The following MSN variants were observed in gnomAD, a reference collection of about 807,000 sequenced individuals.
MSN encodes the protein moesin, also known as epididymis luminal protein 70.
MSN carries 2 observed loss-of-function variants against 48.0 expected under a neutral mutation model. The observed-to-expected ratio is 0.04, with a 90% confidence interval of 0.02 to 0.13. The LOEUF (loss-of-function observed/expected upper bound fraction) is 0.13, where lower values mean the gene tolerates loss of function less well. MSN is among the 10% of genes least tolerant of loss of function. The pLI is 1.00. For synonymous variants in MSN, 146 were observed against 166.9 expected (o/e 0.87, Z 0.97); for missense variants, 267 against 470.1 (o/e 0.57, Z 3.99).
intron 1 of MSN, among the ~76,000 whole-genome samples, chrX:65,686,688 C>T (rs2071118481): frequency 8.9e-6 from 1 of 112,124 alleles, no homozygotes; most frequent in Non-Finnish European, 1.9e-5. Flanking sequence ...CCCTTAACCT[C>T]CCTGAGCCTC....
chrX:65,601,445 T>A (rs956200422), intron 1 of MSN, among the ~76,000 whole-genome samples: 5 of 112,351 alleles, frequency 4.5e-5, no homozygotes, highest in African/African-American at 1.6e-4. Flanking sequence ...TTAAAAGAAG[T>A]AGAATAACTT....
At chrX:65,643,420 A>T (rs1292170891) in intron 1 of MSN, among the ~76,000 whole-genome samples, 1 of 109,807 alleles carries the variant, frequency 9.1e-6, no homozygotes, top group Non-Finnish European at 1.9e-5. Context: ...ACGTTTGGGG[A>T]GGGGTTTTTC....
chrX:65,610,888 A>G (rs750164504), intron 1 of MSN, among the ~76,000 whole-genome samples: 1 of 112,377 alleles, frequency 8.9e-6, no homozygotes, highest in South Asian at 3.7e-4. Context: ...ACAAATACAC[A>G]TAACATAAAA....
chrX:65,605,461 C>T (rs2070270964), intron 1 of MSN, among the ~76,000 whole-genome samples: 1 of 112,329 alleles, frequency 8.9e-6, no homozygotes, highest in Admixed American at 9.5e-5. Flanking sequence ...TTGCCCTAGC[C>T]TCCTTACAGG....
chrX:65,627,074 G>A (rs1161680209), intron 1 of MSN, among the ~76,000 whole-genome samples: 3 of 110,838 alleles, frequency 2.7e-5, no homozygotes, highest in Non-Finnish European at 5.7e-5. Flanking sequence ...TTACTTGGTT[G>A]TTGTAAACAT....
At chrX:65,670,106 G>T (rs920615579) in intron 1 of MSN, among the ~76,000 whole-genome samples, 1 of 111,914 alleles carries the variant, frequency 8.9e-6, no homozygotes, top group Non-Finnish European at 1.9e-5. Context: ...CATTTGTGTG[G>T]TCTCCTGGTA....
intron 1 of MSN, among the ~76,000 whole-genome samples, chrX:65,612,386 C>A (rs2070327675): frequency 9.0e-6 from 1 of 111,060 alleles, no homozygotes; most frequent in South Asian, 3.8e-4. Flanking sequence ...AAATTACCTA[C>A]TCTCGGGTAT....
At chrX:65,598,653 C>T (rs772266112) in intron 1 of MSN, among the ~76,000 whole-genome samples, 21 of 111,285 alleles carry the variant, frequency 1.9e-4, no homozygotes, top group African/African-American at 6.2e-4. Context: ...AGGACTCAAA[C>T]CCAAGACTAG....
intron 1 of MSN, among the ~76,000 whole-genome samples, chrX:65,696,565 G>A (rs1044683752): frequency 3.6e-5 from 4 of 110,809 alleles, no homozygotes; most frequent in Non-Finnish European, 7.6e-5. Context: ...CGGGGCTGGG[G>A]GTAGGATTCT....
chrX:65,699,921 T>C lies in MSN; in HGVS notation c.13-16897T>C, dbSNP rs58388716. Among the ~76,000 whole-genome samples the C allele has an allele frequency of 9.4e-3, 1,051 of 111,261 alleles. 19 individuals are homozygous for C. Among genetic ancestry groups the C allele is most frequent in the African/African-American group, 0.031 (960 of 30,535 alleles). On this transcript the variant is annotated intron_variant, in intron 1 of 12. Coordinates refer to ENST00000360270, the MANE Select transcript of MSN (RefSeq NM_002444.3). ...CACTTGAGCATGTTGCTTTTTACCTTACTGAACCTCCATTTCTCCCTTCTT... is the reference window on the plus strand; with the variant it reads ...CACTTGAGCATGTTGCTTTTTACCTCACTGAACCTCCATTTCTCCCTTCTT...
intron 1 of MSN, among the ~76,000 whole-genome samples, chrX:65,673,125 T>C (rs2070959470): frequency 9.0e-6 from 1 of 111,516 alleles, no homozygotes; most frequent in African/African-American, 3.3e-5. Flanking sequence ...GTGTCTTTCC[T>C]TACTGTGGAA....
chrX:65,645,506 T>G (rs964757267), intron 1 of MSN, among the ~76,000 whole-genome samples: 7 of 95,358 alleles, frequency 7.3e-5, no homozygotes, highest in Admixed American at 2.4e-4. Flanking sequence ...GGGGCGGGGG[T>G]GGTGGTGAGG....
intron 1 of MSN, among the ~76,000 whole-genome samples, chrX:65,633,362 G>A (rs1242723779): frequency 8.9e-6 from 1 of 111,838 alleles, no homozygotes; most frequent in Non-Finnish European, 1.9e-5. Flanking sequence ...AAGGGCTTCT[G>A]TTATAAAAAG....
intron 1 of MSN, among the ~76,000 whole-genome samples, chrX:65,695,526 A>G (rs1473981056): frequency 9.3e-5 from 10 of 107,379 alleles, no homozygotes. Flanking sequence ...AAAAAAAAAA[A>G]AAAAAAAACA....
chrX:65,601,978 G>T (rs947894739), intron 1 of MSN, among the ~76,000 whole-genome samples: 1 of 111,784 alleles, frequency 8.9e-6, no homozygotes, highest in African/African-American at 3.3e-5. Context: ...CCCCTGCCAA[G>T]AATAGATCTT....
intron 7 of MSN, among the ~76,000 whole-genome samples, chrX:65,733,617 C>A (rs1182781419): frequency 8.9e-6 from 1 of 112,254 alleles, no homozygotes. Flanking sequence ...TCTCATATTT[C>A]CAAGCCCCTG....
intron 2 of MSN, among the ~76,000 whole-genome samples, chrX:65,726,432 T>C (rs761224096): frequency 5.4e-5 from 6 of 111,687 alleles, no homozygotes; most frequent in Non-Finnish European, 1.1e-4. Context: ...TCTCACAGGG[T>C]TGTTTACTGT....
intron 1 of MSN, among the ~76,000 whole-genome samples, chrX:65,633,635 G>A (rs375986904): frequency 2.7e-5 from 3 of 111,739 alleles, no homozygotes; most frequent in African/African-American, 6.5e-5. Context: ...TTGCATTCTC[G>A]GACTGGTCCG....
intron 1 of MSN, among the ~76,000 whole-genome samples, chrX:65,643,818 A>C (rs1456097620): frequency 1.8e-5 from 2 of 111,576 alleles, no homozygotes; most frequent in Non-Finnish European, 3.8e-5. Flanking sequence ...CCATTGTCTC[A>C]AGGGTGATTG....
Sources: allele counts gnomAD v4.1 joint callset (sites outside exome capture counted in the v4.1 genomes callset), GRCh38; gene constraint gnomAD v4.1.1; transcripts MANE v1.5; gene names NCBI Gene and HGNC (gene_info 2026-07-23, HGNC 2026-07-21).